The following DMD variants were observed in gnomAD, a reference collection of about 807,000 sequenced individuals.
DMD encodes the protein mutant dystrophin.
In DMD, 63 loss-of-function variants were observed where a neutral mutation model predicts 330.1. The ratio of observed to expected loss-of-function variants is 0.19; its 90% CI spans 0.16 to 0.24. The LOEUF (loss-of-function observed/expected upper bound fraction) is 0.24. DMD is among the 10% of genes least tolerant of loss of function. The pLI is 1.00. For missense variants in DMD, 3,344 were observed against 2,684.1 expected (o/e 1.25, Z -5.43); for synonymous variants, 1,223 against 959.8 (o/e 1.27, Z -5.07).
intron 60 of DMD, among the ~76,000 whole-genome samples, chrX:31,418,840 C>G (rs931283067): frequency 8.9e-6 from 1 of 112,636 alleles, no homozygotes; most frequent in African/African-American, 3.2e-5. Flanking sequence ...AGATTGGTAA[C>G]TCTCCTCCAA....
Position 31,580,256 on chromosome X carries a change from C to A in DMD, c.8217+47417G>T, listed in dbSNP as rs1439866116. On this transcript the variant is annotated intron_variant, in intron 55 of 78. Transcript: ENST00000357033. Reference sequence around the variant, plus strand: ...CTACCACAGGGGGAAATAAAACTTGCTTTAGCCAATCGGATATTGCAGGCT... The same window carrying A: ...CTACCACAGGGGGAAATAAAACTTGATTTAGCCAATCGGATATTGCAGGCT... 3.6e-5 allele frequency among the ~76,000 whole-genome samples: 4 copies of A among 112,227 alleles called. No individual in the cohort carries two copies. In the Admixed American group the frequency reaches 3.8e-4, roughly 11 times the overall value.
intron 7 of DMD, among the ~76,000 whole-genome samples, chrX:32,767,431 T>A (rs1013862951): frequency 4.5e-5 from 5 of 111,881 alleles, no homozygotes; most frequent in Non-Finnish European, 9.4e-5. Context: ...AAAGCTTCAT[T>A]TGTTAAGACT....
At chrX:31,761,807 C>T (rs2132860) in intron 51 of DMD, among the ~76,000 whole-genome samples, 30,233 of 110,952 alleles carry the variant, frequency 0.27, 2,909 homozygotes, top group East Asian at 0.44. Flanking sequence ...ACTAAGAAGA[C>T]AGGAAAACAA....
chrX:31,506,610 C>T (rs940378775), intron 56 of DMD, among the ~76,000 whole-genome samples: 1 of 112,179 alleles, frequency 8.9e-6, no homozygotes, highest in Non-Finnish European at 1.9e-5. Flanking sequence ...TTCCCTCTGC[C>T]CTTTTTACAA....
At chrX:32,377,634 G>C (rs1230283663) in intron 34 of DMD, among the ~76,000 whole-genome samples, 1 of 111,192 alleles carries the variant, frequency 9.0e-6, no homozygotes, top group African/African-American at 3.3e-5. Context: ...CTTCTTTCCA[G>C]GAAAAAGATA....
chrX:31,377,939 G>T (rs1456371451), intron 60 of DMD, among the ~76,000 whole-genome samples: 1 of 110,480 alleles, frequency 9.1e-6, no homozygotes, highest in Non-Finnish European at 1.9e-5. Context: ...GCTCATCCTG[G>T]CTCAAAAAGC....
intron 1 of DMD, among the ~76,000 whole-genome samples, chrX:33,070,988 G>T (rs1244831540): frequency 3.6e-5 from 4 of 109,988 alleles, no homozygotes; most frequent in Admixed American, 9.8e-5. Context: ...CAGCTATTCT[G>T]CCCTTCCTAC....
rs183731744 is a variant in DMD at position 32,545,907 on chromosome X, G to C, written c.1993-573C>G. On this transcript the variant is annotated intron_variant, in intron 16 of 78. Transcript: ENST00000357033. ...AAAGGTTAACATAAAGTATGTATTA[G>C]TCCATATATATCTTTATGTTGAATG... is the stretch of plus-strand genomic sequence containing the variant. 5.1e-3 allele frequency among the ~76,000 whole-genome samples: 563 copies of C among 109,753 alleles called. 3 individuals carry two copies. Among genetic ancestry groups the C allele is most frequent in the Non-Finnish European group, 8.5e-3 (449 of 52,648 alleles).
At chrX:32,717,318 A>C (rs1191045890) in intron 7 of DMD, among the ~76,000 whole-genome samples, 1 of 110,993 alleles carries the variant, frequency 9.0e-6, no homozygotes, top group Non-Finnish European at 1.9e-5. Context: ...ACTGCTCCCT[A>C]TGTCCCAGAC....
intron 2 of DMD, among the ~76,000 whole-genome samples, chrX:32,916,849 G>A (rs2146525103): frequency 9.0e-6 from 1 of 111,515 alleles, no homozygotes; most frequent in South Asian, 3.8e-4. Context: ...ATAATTCATT[G>A]TATATTTCAA....
At chrX:32,681,009 G>C (rs185329353) in intron 9 of DMD, among the ~76,000 whole-genome samples, 1 of 111,922 alleles carries the variant, frequency 8.9e-6, no homozygotes, top group African/African-American at 3.2e-5. Context: ...TTCTACCTTT[G>C]ACCAGTAAGT....
At chrX:33,084,545 T>C (rs960102897) in intron 1 of DMD, among the ~76,000 whole-genome samples, 3 of 111,253 alleles carry the variant, frequency 2.7e-5, no homozygotes, top group African/African-American at 9.8e-5. Context: ...GCTGTCTTCT[T>C]GCGCTGAGTC....
chrX:32,324,410 G>A lies in DMD; in HGVS notation c.5923-14134C>T, dbSNP rs150353842. Reference sequence around the variant, plus strand: ...TTTAGAAAACCATTTTTTAAAAAGTGAAAGTCACAAGAAACATAAAAATAC... The same window carrying A: ...TTTAGAAAACCATTTTTTAAAAAGTAAAAGTCACAAGAAACATAAAAATAC... On this transcript the variant is annotated intron_variant, in intron 41 of 78. Transcript: ENST00000357033. Among the ~76,000 whole-genome samples, 446 of 111,532 alleles carry A rather than the reference G, an allele frequency of 4.0e-3. 5 individuals carry two copies. Among genetic ancestry groups the A allele is most frequent in the African/African-American group, 0.014 (425 of 30,783 alleles).
chrX:32,684,187 T>C (rs1310823338), intron 9 of DMD, among the ~76,000 whole-genome samples: 2 of 109,025 alleles, frequency 1.8e-5, no homozygotes, highest in Admixed American at 2.0e-4. Context: ...ATGTAAGTGT[T>C]TAGTATTATT....
chrX:31,683,569 C>T (rs1237887147), intron 52 of DMD, among the ~76,000 whole-genome samples: 2 of 112,308 alleles, frequency 1.8e-5, no homozygotes, highest in African/African-American at 6.5e-5. Context: ...AAATAAAAAG[C>T]AAAGCCTCAA....
intron 44 of DMD, among the ~76,000 whole-genome samples, chrX:32,147,963 C>T (rs1202590784): frequency 9.4e-6 from 1 of 106,231 alleles, no homozygotes; most frequent in Non-Finnish European, 1.9e-5. Context: ...CTGCAACCTC[C>T]ACCTCCCGGG....
At chrX:32,038,986 T>C (rs1297160127) in intron 44 of DMD, among the ~76,000 whole-genome samples, 1 of 111,314 alleles carries the variant, frequency 9.0e-6, no homozygotes, top group African/African-American at 3.3e-5. Context: ...TTAAGAATAA[T>C]GGGCATAGAT....
At chrX:33,146,379 A>C (rs2048032494) in intron 1 of DMD, among the ~76,000 whole-genome samples, 1 of 111,873 alleles carries the variant, frequency 8.9e-6, no homozygotes, top group Non-Finnish European at 1.9e-5. Flanking sequence ...ATAATTTTTA[A>C]ATTTTTATAA....
At chrX:32,950,929 C>T (rs958516967) in intron 2 of DMD, among the ~76,000 whole-genome samples, 1 of 111,422 alleles carries the variant, frequency 9.0e-6, no homozygotes, top group South Asian at 3.8e-4. Context: ...ATTAAGTTTT[C>T]TTTTGTCCAT....
Sources: allele counts gnomAD v4.1 joint callset (sites outside exome capture counted in the v4.1 genomes callset), GRCh38; gene constraint gnomAD v4.1.1; transcripts MANE v1.5; gene names NCBI Gene and HGNC (gene_info 2026-07-23, HGNC 2026-07-21).